The following MYBL1 variants were observed in gnomAD, a reference collection of about 807,000 sequenced individuals.
MYBL1 encodes the protein myb-related protein A.
MYBL1 carries 17 observed loss-of-function variants against 96.3 expected under a neutral mutation model. The observed-to-expected ratio is 0.18, with a 90% confidence interval of 0.12 to 0.26. The LOEUF (loss-of-function observed/expected upper bound fraction) is 0.26. Among genes scored for constraint, MYBL1 ranks in the 10% least tolerant of loss-of-function variants. The pLI is 1.00. For missense variants in MYBL1, 701 were observed against 882.9 expected (o/e 0.79, Z 2.61); for synonymous variants, 282 against 292.7 (o/e 0.96, Z 0.37).
At chr8:66,568,145 A>C (rs767557119) in intron 12 of MYBL1, among the ~76,000 whole-genome samples, 2 of 152,144 alleles carry the variant, frequency 1.3e-5, no homozygotes, top group African/African-American at 4.8e-5. Context: ...GTATTCATAT[A>C]TAAATGAGAT....
At chr8:66,566,445 C>G (rs977046900) in intron 14 of MYBL1, among the ~76,000 whole-genome samples, 1 of 151,822 alleles carries the variant, frequency 6.6e-6, no homozygotes, top group Non-Finnish European at 1.5e-5. Flanking sequence ...TTGAGAACTA[C>G]GATTTTTTGA....
intron 1 of MYBL1, among the ~76,000 whole-genome samples, chr8:66,602,871 G>C (rs1400671054): frequency 1.3e-5 from 2 of 149,038 alleles, no homozygotes; most frequent in African/African-American, 5.0e-5. Context: ...TCAGCCTCTC[G>C]AGTAGCTGGG....
intron 1 of MYBL1, among the ~76,000 whole-genome samples, chr8:66,607,405 A>C (rs976739570): frequency 6.6e-5 from 10 of 152,306 alleles, no homozygotes; most frequent in Admixed American, 5.2e-4. Context: ...CCAAAAAGTA[A>C]GCTCATGAGT....
intron 3 of MYBL1, among the ~76,000 whole-genome samples, chr8:66,599,938 T>G (rs545373257): frequency 4.7e-4 from 72 of 152,300 alleles, no homozygotes; most frequent in Non-Finnish European, 7.1e-4. Flanking sequence ...ATGTTATAAA[T>G]TATGATTCCA....
intron 1 of MYBL1, among the ~76,000 whole-genome samples, chr8:66,604,457 A>G (rs1444917297): frequency 6.6e-6 from 1 of 152,034 alleles, no homozygotes; most frequent in Non-Finnish European, 1.5e-5. Flanking sequence ...CAGTGAGCCA[A>G]GACTGCACCA....
intron 1 of MYBL1, among the ~76,000 whole-genome samples, chr8:66,603,075 C>T (rs994750761): frequency 1.3e-5 from 2 of 152,012 alleles, no homozygotes; most frequent in African/African-American, 4.8e-5. Flanking sequence ...ACACCAAACA[C>T]ATGAGGTTGG....
chr8:66,610,143 C>G (rs866373848), intron 1 of MYBL1, among the ~76,000 whole-genome samples: 1 of 151,860 alleles, frequency 6.6e-6, no homozygotes, highest in Non-Finnish European at 1.5e-5. Flanking sequence ...ACTTTCGAAT[C>G]TAAAATTAAT....
rs991227066 is a variant in MYBL1 at position 66,563,490 on chromosome 8, G to C, written c.*1207C>G. 3.9e-5 allele frequency: 6 copies of C among 152,602 alleles called. No homozygotes were observed. The South Asian group carries it at 1.2e-3, about 32-fold the overall frequency. 9.5% of individuals were successfully genotyped at this position (152,602 alleles called of 1,614,324 possible). A position where few individuals can be genotyped will look rare whatever the true frequency, so the allele number is the denominator to read the frequency against. On this transcript the variant is annotated 3_prime_UTR_variant, in exon 16 of 16. Transcript: ENST00000522677. ...ACTGAAGCAACTGTTGTAACCTGTAGAGAAACACAAAACATTTAAAAAAGG... is the reference window on the plus strand; with the variant it reads ...ACTGAAGCAACTGTTGTAACCTGTACAGAAACACAAAACATTTAAAAAAGG...
In MYBL1 at chr8:66,566,103, A is replaced by G; in HGVS notation, c.2091T>C (p.Pro697=). The G allele has an allele frequency of 6.5e-7, 1 of 1,542,148 alleles. No individual in the cohort carries two copies. Among genetic ancestry groups the G allele is most frequent in the African/African-American group, 1.4e-5 (1 of 72,854 alleles). ...CCAATTTGACAACTTTGGAAGTGTT[A>G]GGGTTTGGTTTCTTTTTAGTAAGTG... ...TYTLTKKKPN[P]NTSKVVKLEK... The change falls in exon 15 of 16, where the codon CCT becomes CCC. Residue 697 remains proline, a synonymous_variant. Transcript: ENST00000522677.
chr8:66,579,105 A>G (rs923505069), intron 9 of MYBL1, among the ~76,000 whole-genome samples: 28 of 152,090 alleles, frequency 1.8e-4, no homozygotes, highest in African/African-American at 6.5e-4. Flanking sequence ...GGGGAGGGAT[A>G]GCATTAGGAG....
intron 1 of MYBL1, 22 bp downstream of exon 1, chr8:66,612,797 G>C (rs749761999): frequency 7.3e-6 from 10 of 1,362,200 alleles, no homozygotes; most frequent in Non-Finnish European, 8.6e-6. Context: ...CGACAGGCCT[G>C]GGCGAAAGGG....
intron 1 of MYBL1, among the ~76,000 whole-genome samples, chr8:66,604,713 G>A (rs1172948910): frequency 6.6e-6 from 1 of 152,042 alleles, no homozygotes; most frequent in African/African-American, 2.4e-5. Context: ...AATGATATTA[G>A]GAATTGAAAG....
At chr8:66,564,851 A>G (rs763405414) in intron 15 of MYBL1, 26 bp from the exon 16 acceptor site, 1 of 1,491,962 alleles carries the variant, frequency 6.7e-7, no homozygotes, top group African/African-American at 1.4e-5. Flanking sequence ...TAATAGTGAC[A>G]TGAAAATTAT....
intron 5 of MYBL1, 68 bp from the exon 6 acceptor site, chr8:66,595,825 G>T (rs907320001): frequency 1.9e-6 from 2 of 1,063,830 alleles, no homozygotes; most frequent in Non-Finnish European, 2.5e-6. Context: ...GTGTTAACTT[G>T]TACAAAGTGC....
rs147130176 is a variant in MYBL1, at chr8:66,592,399, T to C, written c.867+41A>G. ...TGATAAAAATGACAAAAAGCATATA[T>C]GAAAGATTCTAACAATACAAATAAC... On this transcript the variant is annotated intron_variant, in intron 8 of 15. Transcript: ENST00000522677. 46 of 1,302,942 alleles carry C rather than the reference T, an allele frequency of 3.5e-5. No individual in the cohort carries two copies. In the East Asian group the frequency reaches 1.0e-3, roughly 29 times the overall value. The allele number at this position is 1,302,942 out of a possible 1,614,324, so 80.7% of individuals were successfully genotyped here. A position where few individuals can be genotyped will look rare whatever the true frequency, so the allele number is the denominator to read the frequency against.
In MYBL1 at chr8:66,566,714, T is replaced by A. The variant is rs1483555161; in HGVS notation, c.1920A>T (p.Gln640His). Residue 640 changes from glutamine to histidine, a missense_variant, in exon 14 of 16, where the codon CAA becomes CAT. Gln to His is a conservative substitution (Grantham distance 24). Around this residue, in one of 5 missense-constraint regions of MYBL1, gnomAD observed 137 missense variants for 137.5 expected, o/e 1.00. Transcript: ENST00000522677. Reference protein sequence around the residue: ...DNWEKEESGTQLLTEDISDMQ... With the variant: ...DNWEKEESGTHLLTEDISDMQ... ...TGTCTGAAATGTCTTCAGTCAACAG[T>A]TGAGTGCCTGATTCTTCTTTTTCCC... is the stretch of plus-strand genomic sequence containing the variant. 6.2e-7 allele frequency: 1 copy of A among 1,607,096 alleles called. No individual in the cohort carries two copies. Among genetic ancestry groups the A allele is most frequent in the Non-Finnish European group, 8.5e-7 (1 of 1,175,040 alleles).
Position 66,612,867 on chromosome 8 carries a change from G to C in MYBL1, c.-29C>G. On this transcript the variant is annotated 5_prime_UTR_variant, in exon 1 of 16. Transcript: ENST00000522677. ...TCAAGTACCGCATAGGAGCAGGCTG[G>C]GCGGGGACGCGGGTCAGCCTCCTCC... is the stretch of plus-strand genomic sequence containing the variant. The C allele has an allele frequency of 7.4e-7, 1 of 1,348,974 alleles. No homozygotes were observed. The highest frequency in any genetic ancestry group is 9.6e-7 in the Non-Finnish European group (1 of 1,040,180). 83.6% of individuals were successfully genotyped at this position (1,348,974 alleles called of 1,614,324 possible).
intron 8 of MYBL1, among the ~76,000 whole-genome samples, chr8:66,586,706 T>C (rs1037961719): frequency 1.3e-5 from 2 of 152,208 alleles, no homozygotes; most frequent in Non-Finnish European, 2.9e-5. Context: ...AAATCATATA[T>C]GTACTTCCAT....
At position 66,581,270 on chromosome 8, in the gene MYBL1, G is replaced by A. The variant is rs143632808; in HGVS notation, c.868-904C>T. On this transcript the variant is annotated intron_variant, in intron 8 of 15. Coordinates refer to ENST00000522677, the MANE Select transcript of MYBL1 (RefSeq NM_001080416.4). Reference sequence around the variant, plus strand: ...GTCCTTCAAGGCTGAGTTCACTTAGGACTTCTAGGAACCCTTCCCTGATGA... The same window carrying A: ...GTCCTTCAAGGCTGAGTTCACTTAGAACTTCTAGGAACCCTTCCCTGATGA... Among the ~76,000 whole-genome samples, 739 of 152,136 alleles carry A rather than the reference G, an allele frequency of 4.9e-3. 6 individuals carry two copies. Among genetic ancestry groups the A allele is most frequent in the African/African-American group, 0.016 (659 of 41,482 alleles).
Sources: allele counts gnomAD v4.1 joint callset (sites outside exome capture counted in the v4.1 genomes callset), GRCh38; gene constraint gnomAD v4.1.1; regional missense constraint gnomAD v4.1.1; transcripts MANE v1.5; gene names NCBI Gene and HGNC (gene_info 2026-07-23, HGNC 2026-07-21).